Variants in NLGN1 observed in about 807,000 individuals in gnomAD.
NLGN1 encodes neuroligin-1.
Under a neutral mutation model 65.5 loss-of-function variants are expected in NLGN1, and 12 were observed. The observed-to-expected ratio is 0.18, with a 90% CI of 0.12 to 0.30. NLGN1 has a LOEUF of 0.30. NLGN1 is among the 10% of genes least tolerant of loss of function. The pLI, the probability that NLGN1 is intolerant of heterozygous loss-of-function variation, is 1.00. For synonymous variants in NLGN1, 350 were observed against 359.5 expected, an observed-to-expected ratio of 0.97 and a Z score of 0.30; for missense variants, 750 against 1,007.1, an observed-to-expected ratio of 0.74 and a Z score of 3.46.
intron 2 of NLGN1, among the ~76,000 whole-genome samples, chr3:173,525,619 A>G (rs1004254232): frequency 1.3e-5 from 2 of 149,760 alleles, no homozygotes; most frequent in Middle Eastern, 3.2e-3. Flanking sequence ...GATCCTTGTT[A>G]TTTCTTTTCT....
chr3:173,986,302 AC>A (rs1410099607), intron 4 of NLGN1, among the ~76,000 whole-genome samples: 5 of 151,990 alleles, frequency 3.3e-5, no homozygotes, highest in Non-Finnish European at 5.9e-5. Context: ...CCACGTCTCT[AC>A]TAGAAATACA....
chr3:173,775,727 AG>A (rs1310232504), intron 3 of NLGN1, among the ~76,000 whole-genome samples: 3 of 152,170 alleles, frequency 2.0e-5, no homozygotes, highest in African/African-American at 7.2e-5. Flanking sequence ...TGGACATGGA[AG>A]TAGTTTAAAA....
intron 2 of NLGN1, among the ~76,000 whole-genome samples, chr3:173,566,212 A>G (rs1467685158): frequency 6.6e-6 from 1 of 152,178 alleles, no homozygotes; most frequent in Non-Finnish European, 1.5e-5. Context: ...CGATCTGTAC[A>G]TTTCATGCAT....
At chr3:173,631,189 T>G (rs1378820490) in intron 3 of NLGN1, among the ~76,000 whole-genome samples, 1 of 152,170 alleles carries the variant, frequency 6.6e-6, no homozygotes, top group African/African-American at 2.4e-5. Flanking sequence ...CTCTATGAAA[T>G]GACTGCTGAG....
intron 1 of NLGN1, among the ~76,000 whole-genome samples, chr3:173,431,071 C>T (rs1157194187): frequency 6.6e-6 from 1 of 152,114 alleles, no homozygotes; most frequent in East Asian, 1.9e-4. Context: ...ATTCTATTTT[C>T]ATTAAATGGG....
chr3:174,187,262 C>A (rs1561245905), intron 4 of NLGN1, among the ~76,000 whole-genome samples: 1 of 151,690 alleles, frequency 6.6e-6, no homozygotes, highest in Non-Finnish European at 1.5e-5. Flanking sequence ...GTATTTTGAC[C>A]CCCATATTAG....
intron 1 of NLGN1, among the ~76,000 whole-genome samples, chr3:173,400,051 A>G (rs1035860311): frequency 3.9e-5 from 6 of 152,214 alleles, no homozygotes; most frequent in African/African-American, 1.4e-4. Flanking sequence ...TGTAAGCAAA[A>G]CACAGTTAAA....
Position 173,859,377 on chromosome 3 carries a change from C to T in NLGN1, c.646+51545C>T, listed in dbSNP as rs148475645. Among the ~76,000 whole-genome samples, 250 of 152,160 alleles carry T rather than the reference C, an allele frequency of 1.6e-3. 1 individual carries two copies. The highest frequency in any genetic ancestry group is 0.01 in the Middle Eastern group (3 of 294). ...TTATTTTTTCTGCCTCTCAGACATACGTAAATGTGACCTAGCAAAGTTGTT... is the reference window on the plus strand; with the variant it reads ...TTATTTTTTCTGCCTCTCAGACATATGTAAATGTGACCTAGCAAAGTTGTT... On this transcript the variant is annotated intron_variant, in intron 4 of 6. Transcript: ENST00000457714.
chr3:173,546,320 A>C (rs921100100), intron 2 of NLGN1, among the ~76,000 whole-genome samples: 3 of 152,130 alleles, frequency 2.0e-5, no homozygotes, highest in African/African-American at 7.2e-5. Flanking sequence ...TTTGTATCAC[A>C]TATGATAGGT....
intron 4 of NLGN1, among the ~76,000 whole-genome samples, chr3:173,929,098 A>G (rs997825894): frequency 6.6e-6 from 1 of 152,200 alleles, no homozygotes; most frequent in Admixed American, 6.5e-5. Context: ...TATGTATCCA[A>G]TCCAAAGGTC....
intron 4 of NLGN1, among the ~76,000 whole-genome samples, chr3:173,840,590 G>A (rs1027040839): frequency 6.6e-5 from 10 of 152,090 alleles, no homozygotes; most frequent in Non-Finnish European, 1.3e-4. Context: ...AGTTGTAAGG[G>A]TAGTAAAACC....
At chr3:173,672,099 A>C (rs1402306863) in intron 3 of NLGN1, among the ~76,000 whole-genome samples, 4 of 152,180 alleles carry the variant, frequency 2.6e-5, no homozygotes, top group Non-Finnish European at 5.9e-5. Flanking sequence ...GTGTGATCCC[A>C]GGAGATAGAG....
intron 4 of NLGN1, among the ~76,000 whole-genome samples, chr3:173,948,706 G>A (rs1461396950): frequency 3.3e-5 from 5 of 152,156 alleles, no homozygotes; most frequent in Non-Finnish European, 7.3e-5. Flanking sequence ...GAATATTTAC[G>A]TGATATTTGT....
At chr3:173,431,367 T>C (rs1217765627) in intron 1 of NLGN1, among the ~76,000 whole-genome samples, 1 of 151,794 alleles carries the variant, frequency 6.6e-6, no homozygotes, top group African/African-American at 2.4e-5. Flanking sequence ...GGGGCAAATA[T>C]GGAGCAAACA....
intron 2 of NLGN1, among the ~76,000 whole-genome samples, chr3:173,474,076 G>A (rs1725775829): frequency 2.0e-5 from 3 of 152,086 alleles, no homozygotes; most frequent in African/African-American, 2.4e-5. Flanking sequence ...AATACTGGGT[G>A]TATTTTTTTT....
chr3:174,224,432 C>G (rs1307077991), intron 4 of NLGN1, among the ~76,000 whole-genome samples: 1 of 152,184 alleles, frequency 6.6e-6, no homozygotes, highest in African/African-American at 2.4e-5. Context: ...GGCGTGATGG[C>G]TCACGCCTGC....
intron 3 of NLGN1, among the ~76,000 whole-genome samples, chr3:173,607,557 T>G (rs554674610): frequency 6.6e-6 from 1 of 151,888 alleles, no homozygotes; most frequent in Non-Finnish European, 1.5e-5. Flanking sequence ...GAGTTTAGCT[T>G]TTAACTAGAG....
intron 3 of NLGN1, among the ~76,000 whole-genome samples, chr3:173,708,099 G>A (rs987307958): frequency 1.3e-5 from 2 of 152,146 alleles, no homozygotes; most frequent in Admixed American, 6.5e-5. Flanking sequence ...TCACAGTTTT[G>A]CATTGAGGCC....
At chr3:173,889,318 C>G (rs1734910305) in intron 4 of NLGN1, among the ~76,000 whole-genome samples, 1 of 152,024 alleles carries the variant, frequency 6.6e-6, no homozygotes, top group African/African-American at 2.4e-5. Context: ...ATGTGAATTG[C>G]CCACCTTTGC....
Sources: allele counts gnomAD v4.1 joint callset (sites outside exome capture counted in the v4.1 genomes callset), GRCh38; gene constraint gnomAD v4.1.1; transcripts MANE v1.5; gene names NCBI Gene and HGNC (gene_info 2026-07-23, HGNC 2026-07-21).